Variants in HSD17B12 observed in about 807,000 individuals in gnomAD.
The protein encoded by HSD17B12 is very-long-chain 3-oxoacyl-CoA reductase.
A neutral mutation model predicts 39.3 loss-of-function variants in HSD17B12; 32 were observed. The ratio of observed to expected loss-of-function variants is 0.81; its 90% CI spans 0.61 to 1.09. The LOEUF (loss-of-function observed/expected upper bound fraction) is 1.09. Among genes scored for constraint, HSD17B12 ranks in the 50% least tolerant of loss-of-function variants. The probability of loss-of-function intolerance (pLI) is 0.00; values close to 1 mark genes in which losing one functional copy is unlikely to be tolerated. For missense variants in HSD17B12, 342 were observed against 382.9 expected, an observed-to-expected ratio of 0.89 and a Z score of 0.89; for synonymous variants, 150 against 146.7, an observed-to-expected ratio of 1.02 and a Z score of -0.16.
the HSD17B12 span, chr11:43,645,747 G>A: frequency 6.6e-6 from 1 of 152,444 alleles, no homozygotes; most frequent in Non-Finnish European, 1.5e-5. Context: ...GGGAGGCCAA[G>A]GCCAGGGGAT....
Position 43,854,731 on chromosome 11 carries a change from T to TA in HSD17B12, c.701_702insA (p.Phe234LeufsTer8), listed in dbSNP as rs755071401. 2.5e-6 allele frequency: 4 copies of TA among 1,613,786 alleles called. No individual in the cohort carries two copies. The African/African-American group carries it at 5.3e-5, about 22-fold the overall frequency. ...CCTTTCTAGAGTGTCCTGCCATACT[T>TA]CGTAGCTACAAAACTGGCTAAAATC... On this transcript the variant is annotated frameshift_variant, in exon 10 of 11. Coordinates refer to ENST00000278353, the MANE Select transcript of HSD17B12 (RefSeq NM_016142.3). LOFTEE classifies it high-confidence loss of function.
intron 3 of HSD17B12, among the ~76,000 whole-genome samples, chr11:43,766,665 C>G (rs1950598429): frequency 6.6e-6 from 1 of 152,116 alleles, no homozygotes; most frequent in South Asian, 2.1e-4. Flanking sequence ...TTCGTTGTAC[C>G]AGGCCTAGCA....
the HSD17B12 span, among the ~76,000 whole-genome samples, chr11:43,580,519 G>A: frequency 6.6e-6 from 1 of 152,082 alleles, no homozygotes; most frequent in Non-Finnish European, 1.5e-5. Context: ...GTGGGAAAGG[G>A]GGTGTTGAGA....
the HSD17B12 span, among the ~76,000 whole-genome samples, chr11:43,631,803 T>C: frequency 1.3e-5 from 2 of 152,160 alleles, no homozygotes; most frequent in Non-Finnish European, 2.9e-5. Flanking sequence ...TGATACCCTA[T>C]TGGTATTTGA....
At chr11:43,742,141 T>TATATATA (rs1355652690) in intron 1 of HSD17B12, among the ~76,000 whole-genome samples, 6 of 124,316 alleles carry the variant, frequency 4.8e-5, no homozygotes, top group African/African-American at 1.5e-4. Context: ...ATATATATAT[T>TATATATA]TTTTTTTTTA....
chr11:43,844,577 A>G (rs1167832794), intron 9 of HSD17B12, among the ~76,000 whole-genome samples: 1 of 151,874 alleles, frequency 6.6e-6, no homozygotes, highest in Non-Finnish European at 1.5e-5. Flanking sequence ...AAAAAAAGAC[A>G]CTTGTGTCTT....
chr11:43,609,293 G>T, the HSD17B12 span, among the ~76,000 whole-genome samples: 1 of 148,108 alleles, frequency 6.8e-6, no homozygotes, highest in Admixed American at 6.8e-5. Flanking sequence ...AAACTATGAT[G>T]AATATAATTT....
chr11:43,853,266 G>A (rs1280451324), intron 9 of HSD17B12: 1 of 149,674 alleles, frequency 6.7e-6, no homozygotes, highest in Non-Finnish European at 1.5e-5. Flanking sequence ...GAACCCAGGA[G>A]GCGGAACTTG....
chr11:43,789,027 T>C (rs1440560599), intron 3 of HSD17B12, among the ~76,000 whole-genome samples: 2 of 152,234 alleles, frequency 1.3e-5, no homozygotes, highest in Non-Finnish European at 2.9e-5. Flanking sequence ...TCTTTCCGCT[T>C]CTCTGTGCCA....
chr11:43,658,232 G>C, the HSD17B12 span, among the ~76,000 whole-genome samples: 1 of 152,136 alleles, frequency 6.6e-6, no homozygotes. Context: ...CTCGTGACAT[G>C]GTTTTCAGCT....
At chr11:43,776,348 A>C (rs1261073502) in intron 3 of HSD17B12, among the ~76,000 whole-genome samples, 2 of 151,962 alleles carry the variant, frequency 1.3e-5, no homozygotes, top group Non-Finnish European at 2.9e-5. Flanking sequence ...CATTTCTCTG[A>C]TGGCCAGTGA....
chr11:43,775,906 A>G (rs1362830089), intron 3 of HSD17B12, among the ~76,000 whole-genome samples: 8 of 151,704 alleles, frequency 5.3e-5, no homozygotes, highest in African/African-American at 1.5e-4. Flanking sequence ...ATGATTTCCA[A>G]TTTCATCCAT....
At chr11:43,624,958 A>G in the HSD17B12 span, among the ~76,000 whole-genome samples, 1 of 151,792 alleles carries the variant, frequency 6.6e-6, no homozygotes, top group Non-Finnish European at 1.5e-5. Flanking sequence ...GGAGCTTAGA[A>G]TTTATCTCAT....
At chr11:43,747,046 A>G (rs1216861677) in intron 1 of HSD17B12, among the ~76,000 whole-genome samples, 1 of 152,220 alleles carries the variant, frequency 6.6e-6, no homozygotes, top group East Asian at 1.9e-4. Context: ...GGAAAGTGTA[A>G]GATACTGTAC....
chr11:43,811,548 A>C (rs1205320056), intron 4 of HSD17B12, among the ~76,000 whole-genome samples: 1 of 152,138 alleles, frequency 6.6e-6, no homozygotes, highest in African/African-American at 2.4e-5. Flanking sequence ...ACTTTTTTGG[A>C]CTAAAGTTCT....
At position 43,824,722 on chromosome 11, in the gene HSD17B12, G is replaced by A. The variant is rs541868583; in HGVS notation, c.502-6254G>A. On this transcript the variant is annotated intron_variant, in intron 6 of 10. Transcript: ENST00000278353. ...AGTTTTGGAGGGGTGGAGGTTGGGC[G>A]CAGCGGCTCACGCCTGTAATCCCAG... Among the ~76,000 whole-genome samples, 5 of 152,282 alleles carry A rather than the reference G, an allele frequency of 3.3e-5. No individual in the cohort carries two copies. The East Asian group carries it at 7.7e-4, about 24-fold the overall frequency.
intron 6 of HSD17B12, among the ~76,000 whole-genome samples, chr11:43,823,250 C>G (rs923976406): frequency 2.8e-4 from 42 of 151,638 alleles, no homozygotes; most frequent in Admixed American, 2.8e-3. Flanking sequence ...CATTTTTAGA[C>G]TCTTTCTTTC....
chr11:43,568,380 GGCGTGA>G, the HSD17B12 span, among the ~76,000 whole-genome samples: 2 of 152,024 alleles, frequency 1.3e-5, no homozygotes, highest in African/African-American at 2.4e-5. Flanking sequence ...TAGGATTACA[GGCGTGA>G]GCCACTGCAC....
At chr11:43,593,063 C>A in the HSD17B12 span, among the ~76,000 whole-genome samples, 1 of 152,296 alleles carries the variant, frequency 6.6e-6, no homozygotes, top group South Asian at 2.1e-4. Context: ...AAATTGTATG[C>A]TCAATATTTG....
Sources: allele counts gnomAD v4.1 joint callset (sites outside exome capture counted in the v4.1 genomes callset), GRCh38; gene constraint gnomAD v4.1.1; transcripts MANE v1.5; gene names NCBI Gene and HGNC (gene_info 2026-07-23, HGNC 2026-07-21).